The following CPN2 variants were observed in gnomAD, a reference collection of about 807,000 sequenced individuals.
The protein encoded by CPN2 is carboxypeptidase N subunit 2.
For missense variants in CPN2, 620 were observed against 671.4 expected (o/e 0.92, Z 0.85); for synonymous variants, 336 against 318.4 (o/e 1.06, Z -0.59).
intron 1 of CPN2, among the ~76,000 whole-genome samples, chr3:194,343,914 TAAAAAC>T (rs1237935964): frequency 6.6e-5 from 10 of 152,062 alleles, no homozygotes; most frequent in Non-Finnish European, 1.5e-4. Flanking sequence ...AATAAAAAAA[TAAAAAC>T]AAAATGCTCT....
chr3:194,347,535 C>T (rs1713089266), intron 1 of CPN2, among the ~76,000 whole-genome samples: 1 of 152,244 alleles, frequency 6.6e-6, no homozygotes, highest in Non-Finnish European at 1.5e-5. Flanking sequence ...CTCCCCAAGC[C>T]TGGTCCCCTC....
rs1239629089 is a variant in CPN2 at position 194,339,927 on chromosome 3, A to G, written c.*1138T>C. ...GGCATCAATCAAATACATTTAAGAA[A>G]TACATTGGTTGAGTTCAGAAAGGCA... On this transcript the variant is annotated 3_prime_UTR_variant, in exon 2 of 2. Transcript: ENST00000323830. 6 of 152,246 alleles carry G rather than the reference A, an allele frequency of 3.9e-5. No individual in the cohort carries two copies. Among genetic ancestry groups the G allele is most frequent in the Admixed American group, 2.6e-4 (4 of 15,284 alleles). The allele number at this position is 152,246 out of a possible 1,614,324, so 9.4% of individuals were successfully genotyped here.
intron 1 of CPN2, among the ~76,000 whole-genome samples, chr3:194,343,421 T>C (rs1259201971): frequency 6.6e-6 from 1 of 152,260 alleles, no homozygotes; most frequent in Admixed American, 6.5e-5. Context: ...ACATTGTTCA[T>C]ATATGAATCA....
chr3:194,342,661 G>C lies in CPN2; in HGVS notation c.42C>G (p.Leu14=), dbSNP rs140187491. Residue 14 remains leucine, a synonymous_variant, in exon 2 of 2, where the codon CTC becomes CTG. Transcript: ENST00000323830. ...GAWLLWTSLL[L]LARPAQPCPM... The stretch of plus-strand genomic sequence containing the variant: ...GACAGGGCTGGGCAGGCCTGGCCAG[G>C]AGCAGGAGGGAGGTCCAGAGCAGCC... 4.2e-3 allele frequency: 6,608 copies of C among 1,591,294 alleles called. 18 individuals are homozygous for C. Among genetic ancestry groups the C allele is most frequent in the Non-Finnish European group, 5.0e-3 (5,833 of 1,163,542 alleles).
In CPN2 at chr3:194,342,004, G is replaced by C. The variant is rs767140379; in HGVS notation, c.699C>G (p.Pro233=). ...AGAAGAGCTGGGAGAACACCTGAGG[G>C]GGCAGCTCCGAGATGTTGTTGCTGT... ...FLDSNNISEL[P]PQVFSQLFCL... Residue 233 remains proline (P), a synonymous_variant, in exon 2 of 2, where the codon CCC becomes CCG. Coordinates refer to ENST00000323830, the MANE Select transcript of CPN2 (RefSeq NM_001080513.4). 3.7e-6 allele frequency: 6 copies of C among 1,614,056 alleles called. No homozygotes were observed. The highest frequency in any genetic ancestry group is 5.1e-6 in the Non-Finnish European group (6 of 1,180,046).
rs372397956 is a variant in CPN2, at chr3:194,341,130, G to C, written c.1573C>G (p.Leu525Val). Residue 525 changes from leucine to valine, a missense_variant, in exon 2 of 2, where the codon CTG (leucine) becomes GTG (valine). Transcript: ENST00000323830. ...CGCAGAGAACCGCAGCTCGACCTCA[G>C]GTCCCACTCCTGACTAGCATTGTAC... Reference protein sequence around the residue: ...LQYNASQEWDLRSSCGSLRLT... With the variant: ...LQYNASQEWDVRSSCGSLRLT... 1.6e-5 allele frequency: 26 copies of C among 1,612,912 alleles called. No individual in the cohort carries two copies. The highest frequency in any genetic ancestry group is 1.9e-5 in the Non-Finnish European group (23 of 1,179,690).
At chr3:194,344,444 C>T (rs1307200418) in intron 1 of CPN2, among the ~76,000 whole-genome samples, 1 of 152,210 alleles carries the variant, frequency 6.6e-6, no homozygotes, top group African/African-American at 2.4e-5. Flanking sequence ...CGCCTGTAAT[C>T]CCAGCACTTT....
In CPN2 at chr3:194,351,242, C is replaced by T. The variant is rs1314441803; in HGVS notation, c.-4G>A. 6.6e-6 allele frequency: 1 copy of T among 152,396 alleles called. No homozygotes were observed. The highest frequency in any genetic ancestry group is 1.5e-5 in the Non-Finnish European group (1 of 68,174). 9.4% of individuals were successfully genotyped at this position (152,396 alleles called of 1,614,324 possible). A position where few individuals can be genotyped will look rare whatever the true frequency, so the allele number is the denominator to read the frequency against. On this transcript the variant is annotated splice_region_variant and 5_prime_UTR_variant, in exon 1 of 2. Coordinates refer to ENST00000323830, the MANE Select transcript of CPN2 (RefSeq NM_001080513.4). ...CCCTTCAGCGACCCCGGGAGCCTAC[C>T]GTGAGGGCCGAGCGGGTGGCGCCGG...
chr3:194,345,212 A>G (rs940655391), intron 1 of CPN2, among the ~76,000 whole-genome samples: 5 of 147,690 alleles, frequency 3.4e-5, no homozygotes, highest in Admixed American at 6.7e-5. Context: ...TGGGAAGAGC[A>G]GTTTGGGAGG....
chr3:194,339,974 G>C lies in CPN2; in HGVS notation c.*1091C>G, dbSNP rs1432970009. The C allele has an allele frequency of 6.6e-6, 1 of 152,226 alleles. No individual in the cohort carries two copies. The highest frequency in any genetic ancestry group is 1.5e-5 in the Non-Finnish European group (1 of 68,052). 9.4% of individuals were successfully genotyped at this position (152,226 alleles called of 1,614,324 possible). On this transcript the variant is annotated 3_prime_UTR_variant, in exon 2 of 2. Coordinates refer to ENST00000323830, the MANE Select transcript of CPN2 (RefSeq NM_001080513.4). ...GGCAGGACAACTCGAAGCAGCGGGG[G>C]TGGGTGCTTCCAGGCTGTAGGTAAA...
At chr3:194,345,447 C>G (rs933356475) in intron 1 of CPN2, among the ~76,000 whole-genome samples, 7 of 152,246 alleles carry the variant, frequency 4.6e-5, no homozygotes, top group Non-Finnish European at 7.3e-5. Flanking sequence ...CTGCCTCAGC[C>G]TCCAGAGTGG....
chr3:194,344,876 T>C (rs1395878618), intron 1 of CPN2, among the ~76,000 whole-genome samples: 1 of 151,938 alleles, frequency 6.6e-6, no homozygotes, highest in Non-Finnish European at 1.5e-5. Context: ...AGCATGAGAC[T>C]AGGAACAGAA....
rs1560281144 is a variant in CPN2, at chr3:194,339,859, G to A, written c.*1206C>T. On this transcript the variant is annotated 3_prime_UTR_variant, in exon 2 of 2. Coordinates refer to ENST00000323830, the MANE Select transcript of CPN2 (RefSeq NM_001080513.4). ...GGGCCTGGGAACATGTGCCCAAGGT[G>A]GTCGAGGTACAGCTTGGTTTTATAC... 1 of 152,236 alleles carries A rather than the reference G, an allele frequency of 6.6e-6. No homozygotes were observed. The highest frequency in any genetic ancestry group is 1.5e-5 in the Non-Finnish European group (1 of 68,052). The allele number at this position is 152,236 out of a possible 1,614,324, so 9.4% of individuals were successfully genotyped here. A position where few individuals can be genotyped will look rare whatever the true frequency, so the allele number is the denominator to read the frequency against.
Position 194,341,011 on chromosome 3 carries a change from G to A in CPN2, c.*54C>T. On this transcript the variant is annotated 3_prime_UTR_variant, in exon 2 of 2. Coordinates refer to ENST00000323830, the MANE Select transcript of CPN2 (RefSeq NM_001080513.4). ...ACTCAGCTCCCCTCCGCCCCTACCT[G>A]TCGCCTGGTCAGGCCCCAGAGGCCC... 1 of 1,516,304 alleles carries A rather than the reference G, an allele frequency of 6.6e-7. No individual in the cohort carries two copies. The allele number at this position is 1,516,304 out of a possible 1,614,324, so 93.9% of individuals were successfully genotyped here.
Position 194,341,571 on chromosome 3 carries a change from C to G in CPN2, c.1132G>C (p.Glu378Gln). Residue 378 changes from glutamate (E) to glutamine (Q), a missense_variant, in exon 2 of 2, where the codon GAG (glutamate) becomes CAG (glutamine). Physicochemically the swap from Glu to Gln is conservative, Grantham distance 29. Transcript: ENST00000323830. ...TTGTAGTTGGTGTCGAAGATGCCCTCCGGAAGTGTGGTCAGCTGGTTCTTG... is the reference window on the plus strand; with the variant it reads ...TTGTAGTTGGTGTCGAAGATGCCCTGCGGAAGTGTGGTCAGCTGGTTCTTG... The part of the protein sequence containing the change: ...LSKNQLTTLP[E>Q]GIFDTNYNLF... The G allele has an allele frequency of 1.2e-6, 2 of 1,614,146 alleles. No individual in the cohort carries two copies. The highest frequency in any genetic ancestry group is 1.7e-6 in the Non-Finnish European group (2 of 1,180,034).
chr3:194,342,577 G>T lies in CPN2; in HGVS notation c.126C>A (p.Thr42=). ...TATATGGCGGGATGTCCAGTGGGAC[G>T]GTGGCAAGCTCCTCATCTGAGCAGA... is the stretch of plus-strand genomic sequence containing the variant. ...EVFCSDEELA[T]VPLDIPPYTK... Residue 42 remains threonine, a synonymous_variant, in exon 2 of 2, where the codon ACC becomes ACA. Coordinates refer to ENST00000323830, the MANE Select transcript of CPN2 (RefSeq NM_001080513.4). 1.2e-6 allele frequency: 2 copies of T among 1,614,108 alleles called. No homozygotes were observed. The highest frequency in any genetic ancestry group is 1.7e-6 in the Non-Finnish European group (2 of 1,180,018).
In CPN2 at chr3:194,342,630, C is replaced by A; in HGVS notation, c.73G>T (p.Gly25Cys). ...LARPAQPCPM[G>C]CDCFVQEVFC... ...ACCTCCTGGACGAAGCAGTCACAAC[C>A]CATGGGACAGGGCTGGGCAGGCCTG... Residue 25 changes from glycine (G) to cysteine (C), a missense_variant, in exon 2 of 2, where the codon GGT becomes TGT. Coordinates refer to ENST00000323830, the MANE Select transcript of CPN2 (RefSeq NM_001080513.4). 1 of 1,613,298 alleles carries A rather than the reference C, an allele frequency of 6.2e-7. No individual in the cohort carries two copies. The highest frequency in any genetic ancestry group is 8.5e-7 in the Non-Finnish European group (1 of 1,179,446).
At chr3:194,347,847 C>T (rs1346112667) in intron 1 of CPN2, among the ~76,000 whole-genome samples, 1 of 12,282 alleles carries the variant, frequency 8.1e-5, no homozygotes, top group African/African-American at 3.8e-4. Context: ...GCCCACACCA[C>T]CCACTGCCCA....
chr3:194,341,983 G>T lies in CPN2; in HGVS notation c.720C>A (p.Leu240=), dbSNP rs533545129. Reference sequence around the variant, plus strand: ...GCAGCCACAGCCTCTCTAGGCAGAAGAGCTGGGAGAACACCTGAGGGGGCA... The same window carrying T: ...GCAGCCACAGCCTCTCTAGGCAGAATAGCTGGGAGAACACCTGAGGGGGCA... ...SELPPQVFSQ[L]FCLERLWLQR... Residue 240 remains leucine, a synonymous_variant, in exon 2 of 2, where the codon CTC becomes CTA. Coordinates refer to ENST00000323830, the MANE Select transcript of CPN2 (RefSeq NM_001080513.4). 14 of 1,614,192 alleles carry T rather than the reference G, an allele frequency of 8.7e-6. No homozygotes were observed. The highest frequency in any genetic ancestry group is 1.2e-5 in the Non-Finnish European group (14 of 1,180,046).
Sources: allele counts gnomAD v4.1 joint callset (sites outside exome capture counted in the v4.1 genomes callset), GRCh38; gene constraint gnomAD v4.1.1; transcripts MANE v1.5; gene names NCBI Gene and HGNC (gene_info 2026-07-23, HGNC 2026-07-21).